GPC6: variants seen among roughly 807,000 people sequenced by gnomAD.
GPC6 encodes glypican-6.
GPC6 carries 14 observed loss-of-function variants against 55.2 expected under a neutral mutation model. The ratio of observed to expected loss-of-function variants is 0.25; its 90% CI spans 0.17 to 0.40. The LOEUF is 0.40. GPC6 is among the 10% of genes least tolerant of loss of function. The pLI is 1.00. For missense variants in GPC6, 641 were observed against 708.5 expected (o/e 0.90, Z 1.08); for synonymous variants, 278 against 259.6 (o/e 1.07, Z -0.68).
chr13:94,159,041 T>A (rs1201461902), intron 4 of GPC6, among the ~76,000 whole-genome samples: 3 of 152,142 alleles, frequency 2.0e-5, no homozygotes, highest in African/African-American at 7.2e-5. Flanking sequence ...ACCTGGCATG[T>A]ATAATATATC....
intron 2 of GPC6, among the ~76,000 whole-genome samples, chr13:93,681,867 T>C (rs1221869019): frequency 6.6e-6 from 1 of 152,216 alleles, no homozygotes; most frequent in Non-Finnish European, 1.5e-5. Context: ...TATTGATAAA[T>C]GCTACGGGTT....
intron 3 of GPC6, among the ~76,000 whole-genome samples, chr13:93,923,804 A>T (rs540630423): frequency 1.3e-5 from 2 of 152,304 alleles, no homozygotes; most frequent in South Asian, 2.1e-4. Context: ...TCAGTATTGG[A>T]TATGTGTCAA....
At chr13:94,353,189 C>G (rs947642452) in intron 6 of GPC6, among the ~76,000 whole-genome samples, 2 of 152,244 alleles carry the variant, frequency 1.3e-5, no homozygotes, top group Non-Finnish European at 1.5e-5. Context: ...CAGAGCGCGA[C>G]TTTCTTCTGC....
At chr13:93,334,438 C>A (rs1879972902) in intron 1 of GPC6, among the ~76,000 whole-genome samples, 3 of 151,996 alleles carry the variant, frequency 2.0e-5, no homozygotes. Flanking sequence ...GGGGGAGAAT[C>A]AACTTCATTC....
At chr13:93,981,103 A>G (rs921924813) in intron 3 of GPC6, among the ~76,000 whole-genome samples, 1 of 152,180 alleles carries the variant, frequency 6.6e-6, no homozygotes, top group Admixed American at 6.5e-5. Flanking sequence ...AAACTAAGAG[A>G]TATCTGAATT....
chr13:94,177,954 A>T (rs1888844150), intron 4 of GPC6, among the ~76,000 whole-genome samples: 1 of 151,288 alleles, frequency 6.6e-6, no homozygotes, highest in South Asian at 2.1e-4. Context: ...TTTCTTCCAA[A>T]TCTCTGTCTT....
chr13:94,369,522 C>A (rs980575984), intron 6 of GPC6, among the ~76,000 whole-genome samples: 1 of 152,156 alleles, frequency 6.6e-6, no homozygotes, highest in Non-Finnish European at 1.5e-5. Flanking sequence ...CTTAGAAAAC[C>A]AAAGGGAAGG....
chr13:93,276,129 C>T lies in GPC6; in HGVS notation c.160+48513C>T, dbSNP rs1361674272. 2.0e-5 allele frequency among the ~76,000 whole-genome samples: 3 copies of T among 152,288 alleles called. 1 individual carries two copies. The East Asian group carries it at 5.8e-4, about 30-fold the overall frequency. On this transcript the variant is annotated intron_variant, in intron 1 of 8. Coordinates refer to ENST00000377047, the MANE Select transcript of GPC6 (RefSeq NM_005708.5). ...GACCTCGTGATCCACTCGCCTCGGC[C>T]TCCCAAAGGGCTGGGATTACAGGCG...
chr13:93,880,885 T>TAAA (rs35157318), intron 3 of GPC6, among the ~76,000 whole-genome samples: 1 of 147,052 alleles, frequency 6.8e-6, no homozygotes, highest in Non-Finnish European at 1.5e-5. Flanking sequence ...CCTTTGCAAC[T>TAAA]AAAAAAAAAA....
upstream of GPC6, among the ~76,000 whole-genome samples, chr13:93,222,278 TAA>T (rs112620083): frequency 4.0e-3 from 615 of 152,278 alleles, 3 homozygotes; most frequent in African/African-American, 0.014. Flanking sequence ...AAAATGCAGA[TAA>T]GAGAAAAAAA....
At chr13:94,185,048 C>A (rs577297720) in intron 4 of GPC6, among the ~76,000 whole-genome samples, 4 of 151,902 alleles carry the variant, frequency 2.6e-5, no homozygotes, top group Non-Finnish European at 5.9e-5. Flanking sequence ...GAAGAGAAAA[C>A]CAAATGCCGT....
rs763012584 is a variant in GPC6, at chr13:93,227,984, C to T, written c.160+368C>T. Among the ~76,000 whole-genome samples the T allele has an allele frequency of 1.3e-5, 2 of 152,166 alleles. No homozygotes were observed. The highest frequency in any genetic ancestry group is 6.5e-5 in the Admixed American group (1 of 15,290). ...CCGAGCCGGGCGCTCACTCCGCGTT[C>T]TGGTTCGGGCAAACTTGGAAGAACT... On this transcript the variant is annotated intron_variant, in intron 1 of 8. Coordinates refer to ENST00000377047, the MANE Select transcript of GPC6 (RefSeq NM_005708.5). This position sits in a 1 kb window ranked among gnomAD's most constrained non-coding sequence, Gnocchi z 4.3.
rs183333162 is a variant in GPC6 at position 93,526,427 on chromosome 13, C to T, written c.161-18836C>T. Among the ~76,000 whole-genome samples the T allele has an allele frequency of 3.5e-3, 538 of 151,958 alleles. 1 individual carries two copies. The highest frequency in any genetic ancestry group is 4.9e-3 in the Non-Finnish European group (332 of 67,910). ...ATTATGCAAGGAATTGTGCAGGAGC[C>T]CTGAGAAGGCAAACTTAGTAATCCA... On this transcript the variant is annotated intron_variant, in intron 1 of 8. Coordinates refer to ENST00000377047, the MANE Select transcript of GPC6 (RefSeq NM_005708.5).
At chr13:94,093,954 A>T (rs1398981879) in intron 4 of GPC6, among the ~76,000 whole-genome samples, 1 of 152,144 alleles carries the variant, frequency 6.6e-6, no homozygotes, top group Non-Finnish European at 1.5e-5. Flanking sequence ...TGCAATCTAA[A>T]TGTATTCATT....
chr13:93,231,380 CATATATAT>C (rs1204996148), intron 1 of GPC6, among the ~76,000 whole-genome samples: 4 of 30,932 alleles, frequency 1.3e-4, no homozygotes, highest in Admixed American at 4.3e-4. Context: ...TATATATATA[CATATATAT>C]ATATATATGT....
At chr13:93,610,305 AATG>A (rs1483871428) in intron 2 of GPC6, among the ~76,000 whole-genome samples, 1 of 152,194 alleles carries the variant, frequency 6.6e-6, no homozygotes, top group Non-Finnish European at 1.5e-5. Flanking sequence ...GGTTCTGATC[AATG>A]ATATTTCTAG....
At chr13:94,173,679 T>C (rs1888650340) in intron 4 of GPC6, among the ~76,000 whole-genome samples, 1 of 152,144 alleles carries the variant, frequency 6.6e-6, no homozygotes, top group African/African-American at 2.4e-5. Context: ...GAACTCAAGT[T>C]GAGATTTTGA....
At chr13:93,850,193 G>A (rs1446234135) in intron 3 of GPC6, among the ~76,000 whole-genome samples, 10 of 151,946 alleles carry the variant, frequency 6.6e-5, no homozygotes, top group African/African-American at 1.9e-4. Context: ...GAAAACACCA[G>A]TGCATATGTT....
intron 4 of GPC6, among the ~76,000 whole-genome samples, chr13:94,177,898 T>TA (rs1477733142): frequency 3.3e-5 from 5 of 152,222 alleles, no homozygotes; most frequent in South Asian, 2.1e-4. Flanking sequence ...TCCTTAATTT[T>TA]AAAAAAATAC....
Sources: allele counts gnomAD v4.1 joint callset (sites outside exome capture counted in the v4.1 genomes callset), GRCh38; gene constraint gnomAD v4.1.1; non-coding constraint Gnocchi (gnomAD v3.1); transcripts MANE v1.5; gene names NCBI Gene and HGNC (gene_info 2026-07-23, HGNC 2026-07-21).